The following RNF180 variants were observed in gnomAD, a reference collection of about 807,000 sequenced individuals.
RNF180 encodes the protein ring finger protein 180.
Under a neutral mutation model 59.2 loss-of-function variants are expected in RNF180, and 38 were observed. The observed-to-expected ratio is 0.64, with a 90% CI of 0.50 to 0.84. RNF180 has a LOEUF of 0.84. RNF180 is among the 40% of genes least tolerant of loss of function. RNF180 has a pLI of 0.00. For synonymous variants in RNF180, 262 were observed against 240.3 expected, an observed-to-expected ratio of 1.09 and a Z score of -0.84; for missense variants, 705 against 700.9, an observed-to-expected ratio of 1.01 and a Z score of -0.07.
chr5:64,189,046 T>G (rs916235232), intron 1 of RNF180, among the ~76,000 whole-genome samples: 2 of 151,880 alleles, frequency 1.3e-5, no homozygotes, highest in Non-Finnish European at 2.9e-5. Flanking sequence ...AAAGGACATA[T>G]GAGGACTCAG....
intron 7 of RNF180, among the ~76,000 whole-genome samples, chr5:64,358,164 C>A (rs532345652): frequency 6.6e-6 from 1 of 151,970 alleles, no homozygotes; most frequent in South Asian, 2.1e-4. Flanking sequence ...TCATCCTAAA[C>A]CTTGGAACCC....
chr5:64,326,682 T>C (rs1031751801), intron 6 of RNF180, among the ~76,000 whole-genome samples: 4 of 152,176 alleles, frequency 2.6e-5, no homozygotes, highest in Non-Finnish European at 5.9e-5. Flanking sequence ...TTGGTCATAG[T>C]GTATCATCTT....
intron 5 of RNF180, among the ~76,000 whole-genome samples, chr5:64,315,964 C>A (rs2112493751): frequency 6.6e-6 from 1 of 152,142 alleles, no homozygotes; most frequent in East Asian, 1.9e-4. Context: ...AAAGTCTGGC[C>A]CGCTGCCTTG....
chr5:64,261,863 A>T (rs1744360895), intron 5 of RNF180, among the ~76,000 whole-genome samples: 1 of 152,154 alleles, frequency 6.6e-6, no homozygotes, highest in African/African-American at 2.4e-5. Context: ...AGGCAGATGA[A>T]TGAGAACGTT....
chr5:64,176,954 T>C (rs925177116), intron 1 of RNF180, among the ~76,000 whole-genome samples: 1 of 152,106 alleles, frequency 6.6e-6, no homozygotes, highest in Non-Finnish European at 1.5e-5. Flanking sequence ...GCCAATGGTA[T>C]TATAGGTAAA....
rs529074172 is a variant in RNF180 at position 64,250,218 on chromosome 5, T to C, written c.1227+32822T>C. 9.9e-5 allele frequency among the ~76,000 whole-genome samples: 15 copies of C among 152,174 alleles called. 2 individuals carry two copies. Among genetic ancestry groups the C allele is most frequent in the African/African-American group, 3.6e-4 (15 of 41,540 alleles). The stretch of plus-strand genomic sequence containing the variant: ...AAACAATGTGCTCCTGAACAACCAA[T>C]GGGTTAGTGAAAAAATTAAAAGGGA... On this transcript the variant is annotated intron_variant, in intron 5 of 7. Transcript: ENST00000389100.
chr5:64,300,813 T>G (rs564110636), intron 5 of RNF180, among the ~76,000 whole-genome samples: 2 of 151,812 alleles, frequency 1.3e-5, no homozygotes, highest in Non-Finnish European at 2.9e-5. Flanking sequence ...TCTAGTAAAG[T>G]GTCTCTCCAT....
At chr5:64,230,512 C>T (rs1314808217) in intron 5 of RNF180, among the ~76,000 whole-genome samples, 1 of 152,218 alleles carries the variant, frequency 6.6e-6, no homozygotes, top group Non-Finnish European at 1.5e-5. Flanking sequence ...TTGTTTCTGA[C>T]TCTTGTGTCT....
chr5:64,355,041 A>G (rs1214257523), intron 7 of RNF180, among the ~76,000 whole-genome samples: 1 of 151,938 alleles, frequency 6.6e-6, no homozygotes. Flanking sequence ...AACCACTGCT[A>G]TTCAACATTG....
chr5:64,273,837 G>T (rs778125684), intron 5 of RNF180, among the ~76,000 whole-genome samples: 1 of 151,910 alleles, frequency 6.6e-6, no homozygotes, highest in Non-Finnish European at 1.5e-5. Context: ...GATCCAGGAA[G>T]AATTTGAAAG....
chr5:64,178,592 A>G (rs1750389287), intron 1 of RNF180, among the ~76,000 whole-genome samples: 1 of 152,238 alleles, frequency 6.6e-6, no homozygotes, highest in Non-Finnish European at 1.5e-5. Context: ...AGTTACTAAC[A>G]TCCAAGAACA....
intron 5 of RNF180, among the ~76,000 whole-genome samples, chr5:64,223,245 A>G (rs539778562): frequency 6.6e-6 from 1 of 152,186 alleles, no homozygotes; most frequent in South Asian, 2.1e-4. Flanking sequence ...ATTTTCTTTC[A>G]TCACATCTTC....
At chr5:64,260,992 C>T (rs1047333298) in intron 5 of RNF180, among the ~76,000 whole-genome samples, 5 of 150,334 alleles carry the variant, frequency 3.3e-5, no homozygotes, top group African/African-American at 1.2e-4. Context: ...AACAGTCATG[C>T]TCATACTGAA....
At chr5:64,324,219 A>G (rs1409023387) in intron 5 of RNF180, among the ~76,000 whole-genome samples, 1 of 152,218 alleles carries the variant, frequency 6.6e-6, no homozygotes, top group Non-Finnish European at 1.5e-5. Flanking sequence ...GAATAAAACA[A>G]GATAATTACT....
chr5:64,255,116 T>C (rs900427360), intron 5 of RNF180, among the ~76,000 whole-genome samples: 1 of 152,196 alleles, frequency 6.6e-6, no homozygotes, highest in African/African-American at 2.4e-5. Context: ...AAAAAAATTA[T>C]TAAACCATTA....
intron 5 of RNF180, among the ~76,000 whole-genome samples, chr5:64,240,475 C>G (rs1742742466): frequency 6.6e-6 from 1 of 152,150 alleles, no homozygotes; most frequent in Admixed American, 6.5e-5. Context: ...CATTACTAAA[C>G]TTTGTTATTG....
At position 64,200,831 on chromosome 5, in the gene RNF180, A is replaced by G; in HGVS notation, c.24A>G (p.Ile8Met). 5.6e-6 allele frequency: 9 copies of G among 1,612,318 alleles called. No homozygotes were observed. Among genetic ancestry groups the G allele is most frequent in the Non-Finnish European group, 7.6e-6 (9 of 1,178,632 alleles). ...AGATGAAAAGAAGCAAAGAATTGAT[A>G]ACTAAAAATCATAGTCAAGAGGAAA... is the stretch of plus-strand genomic sequence containing the variant. The part of the protein sequence containing the change: MKRSKEL[I>M]TKNHSQEETS... Residue 8 changes from isoleucine to methionine, a missense_variant, in exon 2 of 8, where the codon ATA (isoleucine) becomes ATG (methionine). Ile to Met is a conservative substitution (Grantham distance 10). Transcript: ENST00000389100.
At chr5:64,315,371 C>G (rs994735552) in intron 5 of RNF180, among the ~76,000 whole-genome samples, 1 of 152,102 alleles carries the variant, frequency 6.6e-6, no homozygotes, top group Non-Finnish European at 1.5e-5. Flanking sequence ...TCTGAATAAT[C>G]AGCTTGTCTG....
intron 5 of RNF180, among the ~76,000 whole-genome samples, chr5:64,226,754 CAG>C (rs1287379138): frequency 3.9e-5 from 6 of 151,970 alleles, no homozygotes; most frequent in Non-Finnish European, 5.9e-5. Context: ...TAGCTGGTAA[CAG>C]AGTTCTTTAG....
Sources: allele counts gnomAD v4.1 joint callset (sites outside exome capture counted in the v4.1 genomes callset), GRCh38; gene constraint gnomAD v4.1.1; transcripts MANE v1.5; gene names NCBI Gene and HGNC (gene_info 2026-07-23, HGNC 2026-07-21).